MYL2: variants seen among roughly 807,000 people sequenced by gnomAD.
MYL2 encodes the protein myosin regulatory light chain 2, ventricular/cardiac muscle isoform.
Under a neutral mutation model 23.0 loss-of-function variants are expected in MYL2, and 19 were observed. The observed-to-expected ratio is 0.83, with a 90% CI of 0.58 to 1.21. MYL2 has a LOEUF of 1.21. MYL2 is among the 50% of genes most tolerant of loss of function. The probability of loss-of-function intolerance (pLI) is 0.00; values close to 1 mark genes in which losing one functional copy is unlikely to be tolerated. For missense variants in MYL2, 180 were observed against 215.1 expected (o/e 0.84, Z 1.02); for synonymous variants, 78 against 76.2 (o/e 1.02, Z -0.13).
chr12:110,919,835 G>A (rs1310159293), intron 1 of MYL2, among the ~76,000 whole-genome samples: 1 of 152,182 alleles, frequency 6.6e-6, no homozygotes, highest in African/African-American at 2.4e-5. Flanking sequence ...CTCTACATAT[G>A]TATTATTTAA....
chr12:110,913,163 A>G lies in MYL2; in HGVS notation c.354-19T>C. The G allele has an allele frequency of 6.2e-7, 1 of 1,614,224 alleles. No homozygotes were observed. Among genetic ancestry groups the G allele is most frequent in the South Asian group, 1.1e-5 (1 of 91,082 alleles). ...CCGAACGCTGCAGAGAAAGGAAAGC[A>G]GGTGTTGGTGTCAGTTGTGTGTGTG... On this transcript the variant is annotated intron_variant, in intron 5 of 6. Coordinates refer to ENST00000228841, the MANE Select transcript of MYL2 (RefSeq NM_000432.4).
At chr12:110,912,298 GAAAAA>G (rs879354014) in intron 6 of MYL2, among the ~76,000 whole-genome samples, 1 of 144,262 alleles carries the variant, frequency 6.9e-6, no homozygotes, top group African/African-American at 2.5e-5. Flanking sequence ...CACCTGAGTT[GAAAAA>G]AAAAAAAATT....
At chr12:110,912,991 T>A in intron 6 of MYL2, 105 bp downstream of exon 6, 1 of 1,237,170 alleles carries the variant, frequency 8.1e-7, no homozygotes, top group Non-Finnish European at 1.2e-6. Context: ...GCTGGTTCTC[T>A]GTCAGTGTGG....
intron 3 of MYL2, 152 bp downstream of exon 3, chr12:110,915,563 C>A: frequency 1.3e-6 from 1 of 785,622 alleles, no homozygotes; most frequent in East Asian, 2.5e-5. Flanking sequence ...ACTTCTTTCC[C>A]ATCCCCTGAA....
At chr12:110,912,812 G>A (rs1481499299) in intron 6 of MYL2, among the ~76,000 whole-genome samples, 1 of 152,216 alleles carries the variant, frequency 6.6e-6, no homozygotes. Flanking sequence ...TGATCCTCCT[G>A]CCTTGGCCTC....
rs1358412542 is a variant in MYL2 at position 110,914,236 on chromosome 12, C to T, written c.224G>A (p.Gly75Asp). ...EIDEMIKEAP[G>D]PINFTVFLTM... ...GAGGAACACAGTAAAGTTAATTGGA[C>T]CCGGAGCCTCCTTGATCATTTCATC... Residue 75 changes from glycine (G) to aspartate (D), a missense_variant, in exon 4 of 7, where the codon GGT (glycine) becomes GAT (aspartate). By Grantham distance (94) the Gly-to-Asp change is moderately conservative. Coordinates refer to ENST00000228841, the MANE Select transcript of MYL2 (RefSeq NM_000432.4). The T allele has an allele frequency of 6.2e-7, 1 of 1,613,940 alleles. No individual in the cohort carries two copies. Among genetic ancestry groups the T allele is most frequent in the East Asian group, 2.2e-5 (1 of 44,894 alleles).
chr12:110,920,510 G>A lies in MYL2; in HGVS notation c.3+17C>T, dbSNP rs2857720. ...CGCCCACCCGGCATCATCACCTCCTGGAGCCCTTGTACTCACCATGGTGGA... is the reference window on the plus strand; with the variant it reads ...CGCCCACCCGGCATCATCACCTCCTAGAGCCCTTGTACTCACCATGGTGGA... On this transcript the variant is annotated intron_variant, in intron 1 of 6. Transcript: ENST00000228841. 3 of 1,614,030 alleles carry A rather than the reference G, an allele frequency of 1.9e-6. No individual in the cohort carries two copies. The South Asian group carries it at 3.3e-5, about 18-fold the overall frequency.
Position 110,914,126 on chromosome 12 carries a change from GC to G in MYL2, c.274+59del, listed in dbSNP as rs971115394. 44 of 1,269,614 alleles carry G rather than the reference GC, an allele frequency of 3.5e-5. No homozygotes were observed. In the African/African-American group the frequency reaches 5.9e-4, roughly 17 times the overall value. 78.6% of individuals were successfully genotyped at this position (1,269,614 alleles called of 1,614,324 possible). On this transcript the variant is annotated intron_variant, in intron 4 of 6. Coordinates refer to ENST00000228841, the MANE Select transcript of MYL2 (RefSeq NM_000432.4). The stretch of plus-strand genomic sequence containing the variant: ...TTTTAAAGTTAACCATCTTCTGCCA[GC>G]CCCCCCGAAGAAACATAGACACATA...
In MYL2 at chr12:110,913,293, T is replaced by G. The variant is rs1592799759; in HGVS notation, c.306A>C (p.Ala102=). The change falls in exon 5 of 7, where the codon GCA becomes GCC. Residue 102 remains alanine (A), a synonymous_variant. Transcript: ENST00000228841. Reference sequence around the variant, plus strand: ...TGCCTTCAGGGTCAAACACTTTGAATGCGTTGAGAATGGTTTCCTCAGGGT... The same window carrying G: ...TGCCTTCAGGGTCAAACACTTTGAAGGCGTTGAGAATGGTTTCCTCAGGGT... ...GADPEETILN[A]FKVFDPEGKG... The G allele has an allele frequency of 6.2e-7, 1 of 1,614,190 alleles. No homozygotes were observed. The highest frequency in any genetic ancestry group is 8.5e-7 in the Non-Finnish European group (1 of 1,180,022).
rs1046926848 is a variant in MYL2 at position 110,918,378 on chromosome 12, CA to C, written c.93+725del. Among the ~76,000 whole-genome samples, 1 of 150,556 alleles carries C rather than the reference CA, an allele frequency of 6.6e-6. No homozygotes were observed. Among genetic ancestry groups the C allele is most frequent in the Non-Finnish European group, 1.5e-5 (1 of 67,608 alleles). On this transcript the variant is annotated intron_variant, in intron 2 of 6. Coordinates refer to ENST00000228841, the MANE Select transcript of MYL2 (RefSeq NM_000432.4). The surrounding 1 kb of genome is among the most constrained non-coding windows in gnomAD (Gnocchi z 4.4). ...TACTGCTTTTCACCTCTCAGACTGG[CA>C]AAAAAAAATTGTGACTATTAATACC...
At position 110,911,141 on chromosome 12, in the gene MYL2, A is replaced by G. The variant is rs751166975; in HGVS notation, c.437T>C (p.Val146Ala). 1.2e-6 allele frequency: 2 copies of G among 1,611,884 alleles called. No individual in the cohort carries two copies. Among genetic ancestry groups the G allele is most frequent in the East Asian group, 4.5e-5 (2 of 44,630 alleles). The change falls in exon 7 of 7, where the codon GTG becomes GCG. Residue 146 changes from valine to alanine, a missense_variant. Coordinates refer to ENST00000228841, the MANE Select transcript of MYL2 (RefSeq NM_000432.4). Reference protein sequence around the residue: ...DQMFAAFPPDVTGNLDYKNLV... With the variant: ...DQMFAAFPPDATGNLDYKNLV... ...GTTCTTGTAGTCCAAGTTGCCAGTCACGTCAGGGGGGAAGGCGGCGAACAT... is the reference window on the plus strand; with the variant it reads ...GTTCTTGTAGTCCAAGTTGCCAGTCGCGTCAGGGGGGAAGGCGGCGAACAT...
Position 110,914,169 on chromosome 12 carries a change from C to G in MYL2, c.274+17G>C, listed in dbSNP as rs201782797. On this transcript the variant is annotated intron_variant, in intron 4 of 6. Coordinates refer to ENST00000228841, the MANE Select transcript of MYL2 (RefSeq NM_000432.4). ...AGACACATACACACAGACACACACA[C>G]ACACACACGACCTTACCCTTAAGTT... 30 of 1,581,842 alleles carry G rather than the reference C, an allele frequency of 1.9e-5. No homozygotes were observed. Among genetic ancestry groups the G allele is most frequent in the Non-Finnish European group, 2.6e-5 (30 of 1,150,658 alleles).
At chr12:110,920,148 C>T (rs2071711427) in intron 1 of MYL2, among the ~76,000 whole-genome samples, 1 of 152,164 alleles carries the variant, frequency 6.6e-6, no homozygotes, top group Non-Finnish European at 1.5e-5. Flanking sequence ...TTTGCAAGTT[C>T]AAAAGGTGAA....
intron 1 of MYL2, 71 bp from the exon 2 acceptor site, chr12:110,919,264 T>C: frequency 4.5e-6 from 6 of 1,318,904 alleles, no homozygotes; most frequent in Non-Finnish European, 6.5e-6. Flanking sequence ...GCCCCTACTC[T>C]GGGTGTGTTC....
upstream of MYL2, chr12:110,920,643 G>A (rs766579524): frequency 1.6e-5 from 24 of 1,532,026 alleles, no homozygotes; most frequent in South Asian, 4.5e-5. Flanking sequence ...CCCCATGACC[G>A]CTTTTGGCAG....
chr12:110,920,760 A>G (rs936278726), upstream of MYL2: 18 of 628,378 alleles, frequency 2.9e-5, no homozygotes, highest in Non-Finnish European at 5.1e-5. Context: ...CCAAAAAGGC[A>G]TTCAAGGTTA....
chr12:110,921,053 C>A (rs897128885), upstream of MYL2, among the ~76,000 whole-genome samples: 1 of 152,222 alleles, frequency 6.6e-6, no homozygotes, highest in Non-Finnish European at 1.5e-5. Flanking sequence ...GCCTCCCCGA[C>A]CACCATCTTT....
rs2136767558 is a variant in MYL2, at chr12:110,911,086, C to T, written c.492G>A (p.Glu164=). The change falls in exon 7 of 7, where the codon GAG becomes GAA. Residue 164 remains glutamate (E), a synonymous_variant. Transcript: ENST00000228841. ...AGCAGCGAGCCCCCTCCTAGTCCTT[C>T]TCTTCTCCGTGGGTGATGATGTGCA... ...NLVHIITHGE[E]KD 2 of 1,614,082 alleles carry T rather than the reference C, an allele frequency of 1.2e-6. No individual in the cohort carries two copies. The highest frequency in any genetic ancestry group is 1.1e-5 in the South Asian group (1 of 91,084).
At chr12:110,912,939 G>T (rs1566148043) in intron 6 of MYL2, among the ~76,000 whole-genome samples, 157 bp downstream of exon 6, 1 of 152,232 alleles carries the variant, frequency 6.6e-6, no homozygotes, top group Non-Finnish European at 1.5e-5. Flanking sequence ...TACCTCATAG[G>T]GTGGCAGAGA....
Sources: gnomAD v4.1 joint callset for allele counts (sites outside exome capture counted in the v4.1 genomes callset) on GRCh38, gnomAD v4.1.1 for gene constraint, Gnocchi (gnomAD v3.1) non-coding constraint, MANE v1.5 for transcripts, NCBI Gene and HGNC (gene_info 2026-07-23, HGNC 2026-07-21) for gene names.